AKAP7: variants seen among roughly 807,000 people sequenced by gnomAD.
AKAP7 encodes A kinase (PRKA) anchor protein 7.
Under a neutral mutation model 39.5 loss-of-function variants are expected in AKAP7, and 39 were observed. That is an observed-to-expected ratio of 0.99 (90% CI 0.76 to 1.29). The LOEUF (loss-of-function observed/expected upper bound fraction) is 1.29. Among genes scored for constraint, AKAP7 ranks in the 50% most tolerant of loss-of-function variants. The pLI is 0.00. For synonymous variants in AKAP7, 140 were observed against 139.1 expected, an observed-to-expected ratio of 1.01 and a Z score of -0.05; for missense variants, 414 against 407.7, an observed-to-expected ratio of 1.02 and a Z score of -0.13.
At chr6:131,178,226 C>T (rs77122022) in intron 5 of AKAP7, among the ~76,000 whole-genome samples, 4,048 of 152,298 alleles carry the variant, frequency 0.027, 182 homozygotes, top group African/African-American at 0.093. Flanking sequence ...CATTTGCATT[C>T]CTGTGCAGCC....
intron 5 of AKAP7, among the ~76,000 whole-genome samples, chr6:131,192,512 T>A (rs1439826289): frequency 6.6e-6 from 1 of 152,170 alleles, no homozygotes; most frequent in South Asian, 2.1e-4. Flanking sequence ...AATTTGAAGT[T>A]AAGTAATATG....
At chr6:131,259,065 C>A (rs973288131) in intron 7 of AKAP7, among the ~76,000 whole-genome samples, 1 of 152,168 alleles carries the variant, frequency 6.6e-6, no homozygotes, top group Non-Finnish European at 1.5e-5. Context: ...CGGCTTCTCT[C>A]CTGACTTCGA....
At chr6:131,232,563 C>CA (rs1443250696) in intron 7 of AKAP7, among the ~76,000 whole-genome samples, 1 of 152,138 alleles carries the variant, frequency 6.6e-6, no homozygotes, top group Non-Finnish European at 1.5e-5. Context: ...CGGTGGCTCA[C>CA]ACCTGTAATC....
At chr6:131,165,272 G>A (rs1439743599) in intron 4 of AKAP7, 55 bp downstream of exon 4, 19 of 1,360,462 alleles carry the variant, frequency 1.4e-5, no homozygotes, top group Non-Finnish European at 9.2e-6. Flanking sequence ...TTTAATATGA[G>A]TAAGCACAGC....
At position 131,241,619 on chromosome 6, in the gene AKAP7, G is replaced by GTATATACGTATATA. The variant is rs1562238108; in HGVS notation, c.850+21812_850+21813insATATACGTATATAT. On this transcript the variant is annotated intron_variant, in intron 7 of 7. Coordinates refer to ENST00000431975, the MANE Select transcript of AKAP7 (RefSeq NM_016377.4). ...TGTGTGTGTGTGTGTGTGTGTGTGT[G>GTATATACGTATATA]TGTGTGTGTATATATATATGACAGT... is the stretch of plus-strand genomic sequence containing the variant. Among the ~76,000 whole-genome samples, 22 of 70,976 alleles carry GTATATACGTATATA rather than the reference G, an allele frequency of 3.1e-4. 2 individuals are homozygous for GTATATACGTATATA. Among genetic ancestry groups the GTATATACGTATATA allele is most frequent in the African/African-American group, 1.1e-3 (20 of 19,038 alleles). The allele number at this position is 70,976 out of a possible 152,430, so 46.6% of individuals were successfully genotyped here. A position where few individuals can be genotyped will look rare whatever the true frequency, so the allele number is the denominator to read the frequency against.
intron 1 of AKAP7, among the ~76,000 whole-genome samples, chr6:131,142,226 C>G (rs1391286150): frequency 6.6e-6 from 1 of 152,126 alleles, no homozygotes; most frequent in Non-Finnish European, 1.5e-5. Context: ...TTCCTAATAG[C>G]CAAGACAATG....
At chr6:131,184,899 A>C in intron 5 of AKAP7, 1 of 1,062,462 alleles carries the variant, frequency 9.4e-7, no homozygotes, top group Non-Finnish European at 1.5e-6. Context: ...CCAGGTTGGA[A>C]GCATCCAGCT....
intron 5 of AKAP7, among the ~76,000 whole-genome samples, chr6:131,181,769 T>A (rs1207136371): frequency 6.6e-6 from 1 of 152,190 alleles, no homozygotes; most frequent in African/African-American, 2.4e-5. Context: ...TTGACGCTGC[T>A]GCCATCCCAT....
intron 5 of AKAP7, among the ~76,000 whole-genome samples, chr6:131,192,940 A>C (rs1806562824): frequency 6.6e-6 from 1 of 152,172 alleles, no homozygotes; most frequent in Non-Finnish European, 1.5e-5. Context: ...CGTATTCTGC[A>C]ACTTTACTGA....
chr6:131,215,989 A>G (rs1303769478), intron 6 of AKAP7, among the ~76,000 whole-genome samples: 2 of 152,230 alleles, frequency 1.3e-5, no homozygotes, highest in Non-Finnish European at 2.9e-5. Context: ...CAGGAATGCC[A>G]AGCTTACTAT....
In AKAP7 at chr6:131,269,331, A is replaced by AGCCCCTGT. The variant is rs1814081601; in HGVS notation, c.851-12194_851-12187dup. Among the ~76,000 whole-genome samples the AGCCCCTGT allele has an allele frequency of 6.6e-5, 10 of 152,206 alleles. No individual in the cohort carries two copies. In the South Asian group the frequency reaches 2.1e-3, roughly 32 times the overall value. On this transcript the variant is annotated intron_variant, in intron 7 of 7. Coordinates refer to ENST00000431975, the MANE Select transcript of AKAP7 (RefSeq NM_016377.4). ...GCCAAGTGCTGGGATTACAGGCGTG[A>AGCCCCTGT]GCCCCTGTGCCCAGTCTAGAATGCA...
chr6:131,209,637 T>G (rs1808467598), intron 6 of AKAP7, among the ~76,000 whole-genome samples: 1 of 152,192 alleles, frequency 6.6e-6, no homozygotes, highest in African/African-American at 2.4e-5. Context: ...TCAAGTTAAT[T>G]AAAATTGCAT....
At chr6:131,264,345 G>C (rs1813603538) in intron 7 of AKAP7, among the ~76,000 whole-genome samples, 1 of 152,192 alleles carries the variant, frequency 6.6e-6, no homozygotes, top group African/African-American at 2.4e-5. Flanking sequence ...GCTGTGGTCT[G>C]TTTATGTCTG....
chr6:131,269,012 T>A (rs1444317022), intron 7 of AKAP7, among the ~76,000 whole-genome samples: 1 of 152,234 alleles, frequency 6.6e-6, no homozygotes, highest in Non-Finnish European at 1.5e-5. Context: ...ATGATAGACA[T>A]ACTTCTGTTG....
In AKAP7 at chr6:131,278,199, G is replaced by A. The variant is rs1392661324; in HGVS notation, c.851-3331G>A. ...AGCAGAGGGAGAGAACTGAGAAGCC[G>A]AGGATATAATTTCTATACTCAAGAC... On this transcript the variant is annotated intron_variant, in intron 7 of 7. Coordinates refer to ENST00000431975, the MANE Select transcript of AKAP7 (RefSeq NM_016377.4). Among the ~76,000 whole-genome samples the A allele has an allele frequency of 5.9e-5, 9 of 152,294 alleles. No individual in the cohort carries two copies. The East Asian group carries it at 1.2e-3, about 20-fold the overall frequency.
intron 5 of AKAP7, among the ~76,000 whole-genome samples, chr6:131,173,272 G>A (rs1305882787): frequency 6.6e-6 from 1 of 151,582 alleles, no homozygotes; most frequent in African/African-American, 2.4e-5. Flanking sequence ...TCTTGAACAT[G>A]TTGTTTTTTA....
chr6:131,163,905 A>C (rs2128240300), intron 3 of AKAP7, among the ~76,000 whole-genome samples: 1 of 152,104 alleles, frequency 6.6e-6, no homozygotes, highest in South Asian at 2.1e-4. Flanking sequence ...CTCAAACTAA[A>C]TTCTACAAGG....
chr6:131,169,685 C>T (rs1235900607), intron 5 of AKAP7, among the ~76,000 whole-genome samples: 2 of 152,246 alleles, frequency 1.3e-5, no homozygotes, highest in African/African-American at 2.4e-5. Context: ...TTGCCTTGTG[C>T]AGCACAATTG....
chr6:131,232,654 G>A (rs561461475), intron 7 of AKAP7, among the ~76,000 whole-genome samples: 2 of 152,030 alleles, frequency 1.3e-5, no homozygotes, highest in South Asian at 2.1e-4. Context: ...CTAAAAATAC[G>A]AAAAGAATTA....
Sources: allele counts gnomAD v4.1 joint callset (sites outside exome capture counted in the v4.1 genomes callset), GRCh38; gene constraint gnomAD v4.1.1; transcripts MANE v1.5; gene names NCBI Gene and HGNC (gene_info 2026-07-23, HGNC 2026-07-21).